MAST2: variants seen among roughly 807,000 people sequenced by gnomAD.
MAST2 encodes microtubule associated serine/threonine kinase 2, also known as microtubule-associated serine/threonine-protein kinase 2.
MAST2 carries 70 observed loss-of-function variants against 147.4 expected under a neutral mutation model. The ratio of observed to expected loss-of-function variants is 0.47; its 90% CI spans 0.39 to 0.58. The LOEUF (loss-of-function observed/expected upper bound fraction) is 0.58. Ranked by LOEUF, MAST2 falls within the 20% of genes least tolerant of loss-of-function variation. The pLI is 0.00. For synonymous variants in MAST2, 869 were observed against 896.8 expected, an observed-to-expected ratio of 0.97 and a Z score of 0.55; for missense variants, 2,080 against 2,302.3, an observed-to-expected ratio of 0.90 and a Z score of 1.98.
intron 4 of MAST2, among the ~76,000 whole-genome samples, chr1:45,946,773 G>T (rs1429481033): frequency 6.6e-6 from 1 of 152,084 alleles, no homozygotes; most frequent in Non-Finnish European, 1.5e-5. Context: ...ATTGTGTCCT[G>T]ATATAGGGTT....
intron 4 of MAST2, among the ~76,000 whole-genome samples, chr1:45,923,960 T>A (rs1410584743): frequency 1.3e-5 from 2 of 152,036 alleles, no homozygotes; most frequent in Non-Finnish European, 2.9e-5. Context: ...CAACCTCTGC[T>A]TCCCAGTTTC....
At chr1:46,030,530 G>A (rs1047817128) in intron 21 of MAST2, 77 bp from the exon 22 acceptor site, 57 of 1,499,440 alleles carry the variant, frequency 3.8e-5, no homozygotes, top group East Asian at 7.3e-5. Flanking sequence ...CTAGGTTTCC[G>A]ATGCCAAGGA....
intron 3 of MAST2, among the ~76,000 whole-genome samples, chr1:45,852,248 C>A (rs1335799571): frequency 6.6e-6 from 1 of 152,180 alleles, no homozygotes; most frequent in Non-Finnish European, 1.5e-5. Flanking sequence ...ACATACAGAA[C>A]CGTACTGTCA....
chr1:45,922,674 C>T (rs1010288155), intron 4 of MAST2, among the ~76,000 whole-genome samples: 3 of 152,120 alleles, frequency 2.0e-5, no homozygotes, highest in African/African-American at 4.8e-5. Flanking sequence ...TTCCTAGGCC[C>T]GAGAGTTCAG....
At chr1:45,823,311 G>A (rs989505419) in intron 1 of MAST2, among the ~76,000 whole-genome samples, 6 of 149,622 alleles carry the variant, frequency 4.0e-5, no homozygotes, top group African/African-American at 2.5e-5. Context: ...TTTTCAAATG[G>A]CAGGTGACAT....
chr1:46,016,914 A>T (rs370881803), intron 10 of MAST2, among the ~76,000 whole-genome samples: 1,544 of 152,066 alleles, frequency 0.01, 17 homozygotes, highest in East Asian at 0.033. Context: ...ATGCTACCTG[A>T]CTTCAAACTA....
chr1:45,995,241 T>C (rs1320168044), intron 5 of MAST2, among the ~76,000 whole-genome samples: 4 of 152,180 alleles, frequency 2.6e-5, no homozygotes, highest in African/African-American at 4.8e-5. Flanking sequence ...GTATAACATA[T>C]CTTCTTCTCA....
chr1:45,910,944 A>G (rs910468958), intron 4 of MAST2, among the ~76,000 whole-genome samples: 2 of 152,158 alleles, frequency 1.3e-5, no homozygotes, highest in Admixed American at 1.3e-4. Context: ...GCAAGAATGG[A>G]TTTTTAGGGT....
At chr1:46,012,341 G>A (rs1165286964) in intron 10 of MAST2, among the ~76,000 whole-genome samples, 2 of 152,172 alleles carry the variant, frequency 1.3e-5, no homozygotes, top group African/African-American at 4.8e-5. Context: ...CTGCTTGTGT[G>A]GTTAGGTTGT....
intron 6 of MAST2, chr1:46,001,113 T>C: frequency 1.5e-6 from 1 of 664,908 alleles, no homozygotes. Flanking sequence ...ACATTGGGCC[T>C]TTCATGTCTT....
chr1:45,843,475 TG>T (rs1645338596), intron 3 of MAST2, among the ~76,000 whole-genome samples: 1 of 152,222 alleles, frequency 6.6e-6, no homozygotes, highest in Non-Finnish European at 1.5e-5. Context: ...TTTATTTTTT[TG>T]CATGTGGATA....
intron 3 of MAST2, 126 bp from the exon 4 acceptor site, chr1:45,882,238 G>A (rs6665193): frequency 0.78 from 432,466 of 552,440 alleles, 170,978 homozygotes; most frequent in East Asian, 0.99. Context: ...AGAAAAAGTT[G>A]TTATTTAGAA....
rs1646375314 is a variant in MAST2 at position 46,025,617 on chromosome 1, G to A, written c.1781-60G>A. ...GGACCTCAGAAACTGCCAGATGGGAGCTGGCTAGCTAGAGCAGGGAACTGA... is the reference window on the plus strand; with the variant it reads ...GGACCTCAGAAACTGCCAGATGGGAACTGGCTAGCTAGAGCAGGGAACTGA... On this transcript the variant is annotated intron_variant, in intron 15 of 28. Transcript: ENST00000361297. 4.4e-6 allele frequency: 7 copies of A among 1,604,682 alleles called. No homozygotes were observed. The Admixed American group carries it at 8.3e-5, about 19-fold the overall frequency.
chr1:46,035,935 G>A lies in MAST2; in HGVS notation c.5266G>A (p.Asp1756Asn), dbSNP rs1328721692. The change falls in exon 29 of 29, where the codon GAC (aspartate) becomes AAC (asparagine). Residue 1756 changes from aspartate (D) to asparagine (N), a missense_variant. Transcript: ENST00000361297. The surrounding 1 kb of genome is among the most constrained non-coding windows in gnomAD (Gnocchi z 5.5). The part of the protein sequence containing the change: ...VPDASGDRRQ[D>N]VPCRGCPLTQ... Reference sequence around the variant, plus strand: ...TGATGCCTCAGGTGACAGAAGGCAGGACGTTCCATGCCGAGGCTGCCCCCT... The same window carrying A: ...TGATGCCTCAGGTGACAGAAGGCAGAACGTTCCATGCCGAGGCTGCCCCCT... 6.2e-7 allele frequency: 1 copy of A among 1,614,076 alleles called. No homozygotes were observed. The highest frequency in any genetic ancestry group is 8.5e-7 in the Non-Finnish European group (1 of 1,180,034).
At chr1:46,018,743 G>A (rs1422767646) in intron 10 of MAST2, among the ~76,000 whole-genome samples, 3 of 152,094 alleles carry the variant, frequency 2.0e-5, no homozygotes, top group East Asian at 3.9e-4. Flanking sequence ...TGGGAGGGAA[G>A]GTACAGACAC....
At chr1:46,021,913 AT>A in intron 11 of MAST2, 36 bp from the exon 12 acceptor site, 1 of 1,610,474 alleles carries the variant, frequency 6.2e-7, no homozygotes, top group Non-Finnish European at 8.5e-7. Context: ...TTTCGCTTAT[AT>A]CTGTCACCAC....
chr1:46,033,826 A>G lies in MAST2; in HGVS notation c.3562A>G (p.Thr1188Ala). Residue 1188 changes from threonine (T) to alanine (A), a missense_variant, in exon 27 of 29, where the codon ACA becomes GCA. Coordinates refer to ENST00000361297, the MANE Select transcript of MAST2 (RefSeq NM_015112.3). ...GAGTGGAAACAAGGTGGCCATTTCAACAACTCCCCTGGAGAACACATCCAT... is the reference window on the plus strand; with the variant it reads ...GAGTGGAAACAAGGTGGCCATTTCAGCAACTCCCCTGGAGAACACATCCAT... Reference protein sequence around the residue: ...LKSGNKVAISTTPLENTSIKV... With the variant: ...LKSGNKVAISATPLENTSIKV... The G allele has an allele frequency of 6.2e-7, 1 of 1,614,188 alleles. No individual in the cohort carries two copies. The highest frequency in any genetic ancestry group is 1.1e-5 in the South Asian group (1 of 91,084).
chr1:45,909,718 A>T (rs757387350), intron 4 of MAST2, among the ~76,000 whole-genome samples: 3 of 152,154 alleles, frequency 2.0e-5, no homozygotes, highest in Non-Finnish European at 2.9e-5. Context: ...GGGGTTCACC[A>T]TGTTGACCAG....
At chr1:45,895,877 G>C (rs186765568) in intron 4 of MAST2, among the ~76,000 whole-genome samples, 6 of 152,230 alleles carry the variant, frequency 3.9e-5, no homozygotes, top group Admixed American at 2.6e-4. Context: ...ATTTAAATGA[G>C]CAATAAAGTA....
Sources: allele counts gnomAD v4.1 joint callset (sites outside exome capture counted in the v4.1 genomes callset), GRCh38; gene constraint gnomAD v4.1.1; non-coding constraint Gnocchi (gnomAD v3.1); transcripts MANE v1.5; gene names NCBI Gene and HGNC (gene_info 2026-07-23, HGNC 2026-07-21).